Variants in DHTKD1 observed in about 807,000 individuals in gnomAD.
The protein encoded by DHTKD1 is 2-oxoadipate dehydrogenase complex component E1.
A neutral mutation model predicts 101.8 loss-of-function variants in DHTKD1; 78 were observed. That is an observed-to-expected ratio of 0.77 (90% confidence interval 0.64 to 0.93). The LOEUF is 0.93. Ranked by LOEUF, DHTKD1 falls within the 40% of genes least tolerant of loss-of-function variation. DHTKD1 has a pLI of 0.00. For missense variants in DHTKD1, 1,223 were observed against 1,161.7 expected, an observed-to-expected ratio of 1.05 and a Z score of -0.77; for synonymous variants, 462 against 450.3, an observed-to-expected ratio of 1.03 and a Z score of -0.33.
In DHTKD1 at chr10:12,084,537, C is replaced by G. The variant is rs761346066; in HGVS notation, c.311-3C>G. On this transcript the variant is annotated splice_polypyrimidine_tract_variant and splice_region_variant and intron_variant, in intron 2 of 16. Transcript: ENST00000263035. ...AGATGACCCCTTTGATTGTATTTCA[C>G]AGGATTATTGAACATGGGGAAGGAA... 6.3e-7 allele frequency: 1 copy of G among 1,575,628 alleles called. No individual in the cohort carries two copies. The highest frequency in any genetic ancestry group is 1.7e-5 in the Admixed American group (1 of 59,864).
intron 9 of DHTKD1, 25 bp downstream of exon 9, chr10:12,100,287 G>GTTTTTTTTTTTTGTTTTTT (rs1554793010): frequency 2.9e-5 from 8 of 272,236 alleles, no homozygotes; most frequent in Admixed American, 2.3e-4. Flanking sequence ...TTTTTTTTCT[G>GTTTTTTTTTTTTGTTTTTT]TTTTTTTTTT....
intron 1 of DHTKD1, among the ~76,000 whole-genome samples, chr10:12,077,428 T>C (rs1832751068): frequency 6.6e-6 from 1 of 152,130 alleles, no homozygotes; most frequent in Non-Finnish European, 1.5e-5. Flanking sequence ...GGTTTCACCA[T>C]GTGGGCCAGG....
chr10:12,114,335 C>G (rs532704845), intron 13 of DHTKD1, among the ~76,000 whole-genome samples: 40 of 149,808 alleles, frequency 2.7e-4, no homozygotes, highest in Admixed American at 8.0e-4. Context: ...CTCACTCTAT[C>G]ACCCAGGCTG....
In DHTKD1 at chr10:12,069,001, G is replaced by A. The variant is rs752960963; in HGVS notation, c.-33G>A. The A allele has an allele frequency of 6.2e-7, 1 of 1,611,548 alleles. No homozygotes were observed. The highest frequency in any genetic ancestry group is 1.3e-5 in the African/African-American group (1 of 74,850). On this transcript the variant is annotated 5_prime_UTR_variant, in exon 1 of 17. Coordinates refer to ENST00000263035, the MANE Select transcript of DHTKD1 (RefSeq NM_018706.7). ...GCCGGTGGGATCCCCTCGGGCTCCC[G>A]CCTTAGCATGCTGGCCGGGACATCT...
rs1832919680 is a variant in DHTKD1 at position 12,087,468 on chromosome 10, T to C, written c.523-67T>C. 1 of 1,423,202 alleles carries C rather than the reference T, an allele frequency of 7.0e-7. No individual in the cohort carries two copies. The allele number at this position is 1,423,202 out of a possible 1,614,324, so 88.2% of individuals were successfully genotyped here. On this transcript the variant is annotated intron_variant, in intron 3 of 16. Coordinates refer to ENST00000263035, the MANE Select transcript of DHTKD1 (RefSeq NM_018706.7). This position sits in a 1 kb window ranked among gnomAD's most constrained non-coding sequence, Gnocchi z 5.2. ...GGGCCATCTCACAACACACACAGACTTATCTGCCTTCCACTGGAGAAGCTG... is the reference window on the plus strand; with the variant it reads ...GGGCCATCTCACAACACACACAGACCTATCTGCCTTCCACTGGAGAAGCTG...
intron 1 of DHTKD1, 59 bp downstream of exon 1, chr10:12,069,246 C>G: frequency 6.9e-7 from 1 of 1,450,510 alleles, no homozygotes; most frequent in Non-Finnish European, 9.1e-7. Context: ...CCTCCCCTGG[C>G]CGATTTGCGG....
chr10:12,110,193 G>A lies in DHTKD1; in HGVS notation c.2154+2178G>A, dbSNP rs1024041432. Among the ~76,000 whole-genome samples, 2 of 152,190 alleles carry A rather than the reference G, an allele frequency of 1.3e-5. No homozygotes were observed. Among genetic ancestry groups the A allele is most frequent in the African/African-American group, 2.4e-5 (1 of 41,456 alleles). ...GGCACCTGTAGTCCCAGCTACTTGG[G>A]AGGCTGAGGCAGGGGAATGGTGTGA... On this transcript the variant is annotated intron_variant, in intron 12 of 16. Transcript: ENST00000263035. This position sits in a 1 kb window ranked among gnomAD's most constrained non-coding sequence, Gnocchi z 4.9.
At chr10:12,088,674 C>T (rs1832940998) in intron 4 of DHTKD1, among the ~76,000 whole-genome samples, 1 of 152,058 alleles carries the variant, frequency 6.6e-6, no homozygotes, top group Non-Finnish European at 1.5e-5. Context: ...ACCTCCGCCT[C>T]CCAGGTTCAA....
intron 16 of DHTKD1, 45 bp downstream of exon 16, chr10:12,120,312 T>A: frequency 6.7e-7 from 1 of 1,492,522 alleles, no homozygotes; most frequent in South Asian, 1.2e-5. Context: ...TTTGTGTGCA[T>A]GTTGTTTTTC....
intron 1 of DHTKD1, among the ~76,000 whole-genome samples, chr10:12,075,572 ACT>A (rs3059495): frequency 0.51 from 76,696 of 151,582 alleles, 20,129 homozygotes; most frequent in African/African-American, 0.65. Context: ...ACAGGGTCTC[ACT>A]CTGTTGCCCA....
In DHTKD1 at chr10:12,107,366, C is replaced by T. The variant is rs2131620464; in HGVS notation, c.2048-543C>T. 1.3e-5 allele frequency among the ~76,000 whole-genome samples: 2 copies of T among 151,908 alleles called. No homozygotes were observed. The highest frequency in any genetic ancestry group is 1.9e-4 in the East Asian group (1 of 5,138). On this transcript the variant is annotated intron_variant, in intron 11 of 16. Transcript: ENST00000263035. This position sits in a 1 kb window ranked among gnomAD's most constrained non-coding sequence, Gnocchi z 4.1. Reference sequence around the variant, plus strand: ...GCTGTCCAGGAAGCTGGGAACGTTCCCCTTTGAGTTTGTCTTCCACTCGTA... The same window carrying T: ...GCTGTCCAGGAAGCTGGGAACGTTCTCCTTTGAGTTTGTCTTCCACTCGTA...
intron 3 of DHTKD1, among the ~76,000 whole-genome samples, chr10:12,085,759 T>C (rs769557487): frequency 3.9e-5 from 6 of 151,910 alleles, no homozygotes; most frequent in African/African-American, 7.3e-5. Context: ...TGGTGGAGCA[T>C]ACCTGTGGTC....
At chr10:12,102,422 CAAAAA>C (rs752816882) in intron 10 of DHTKD1, among the ~76,000 whole-genome samples, 3 of 64,828 alleles carry the variant, frequency 4.6e-5, no homozygotes. Flanking sequence ...GACTCTGTCT[CAAAAA>C]AAAAAAAAAA....
At chr10:12,119,452 GA>G (rs745551825) in intron 15 of DHTKD1, among the ~76,000 whole-genome samples, 11 of 146,870 alleles carry the variant, frequency 7.5e-5, no homozygotes, top group Non-Finnish European at 7.5e-5. Context: ...CGTCTCTACT[GA>G]AAATACAAAA....
intron 14 of DHTKD1, among the ~76,000 whole-genome samples, 159 bp from the exon 15 acceptor site, chr10:12,118,590 G>GC (rs954012359): frequency 4.0e-5 from 6 of 151,836 alleles, no homozygotes; most frequent in Non-Finnish European, 8.8e-5. Flanking sequence ...CACCGTGTTA[G>GC]CCAGGATGGT....
intron 2 of DHTKD1, among the ~76,000 whole-genome samples, chr10:12,083,721 C>A (rs998710294): frequency 7.9e-5 from 12 of 151,994 alleles, no homozygotes; most frequent in African/African-American, 2.9e-4. Context: ...GCAACAAGAG[C>A]AAAAACTCCA....
At chr10:12,095,879 C>T (rs535468892) in intron 7 of DHTKD1, among the ~76,000 whole-genome samples, 12 of 141,698 alleles carry the variant, frequency 8.5e-5, no homozygotes, top group South Asian at 7.0e-4. Context: ...CGTTGTGGCG[C>T]GTGCCTGTAG....
rs569260132 is a variant in DHTKD1 at position 12,081,361 on chromosome 10, A to T, written c.155-111A>T. The T allele has an allele frequency of 8.4e-6, 7 of 831,494 alleles. No homozygotes were observed. The Admixed American group carries it at 1.3e-4, about 16-fold the overall frequency. 51.5% of individuals were successfully genotyped at this position (831,494 alleles called of 1,614,324 possible). ...GACCCTGTCTCTAAAATAAATAAAT[A>T]AATAAAAAGTAAGGTGTCTAGGGCT... On this transcript the variant is annotated intron_variant, in intron 1 of 16. Transcript: ENST00000263035.
At chr10:12,112,518 A>G (rs1479696077) in intron 12 of DHTKD1, among the ~76,000 whole-genome samples, 1 of 151,866 alleles carries the variant, frequency 6.6e-6, no homozygotes, top group Non-Finnish European at 1.5e-5. Context: ...ACACACACAC[A>G]CACACACACA....
Sources: gnomAD v4.1 joint callset for allele counts (sites outside exome capture counted in the v4.1 genomes callset) on GRCh38, gnomAD v4.1.1 for gene constraint, Gnocchi (gnomAD v3.1) non-coding constraint, MANE v1.5 for transcripts, NCBI Gene and HGNC (gene_info 2026-07-23, HGNC 2026-07-21) for gene names.